Variants in NTRK3 observed in about 807,000 individuals in gnomAD.
NTRK3 encodes neurotrophic receptor tyrosine kinase 3, also known as NT-3 growth factor receptor.
In NTRK3, 24 loss-of-function variants were observed where a neutral mutation model predicts 91.7. That is an observed-to-expected ratio of 0.26 (90% CI 0.19 to 0.37). The LOEUF is 0.37. NTRK3 is among the 10% of genes least tolerant of loss of function. The pLI is 1.00. For missense variants in NTRK3, 880 were observed against 1,068.9 expected (o/e 0.82, Z 2.46); for synonymous variants, 483 against 404.0 (o/e 1.20, Z -2.34).
intron 13 of NTRK3, among the ~76,000 whole-genome samples, chr15:88,086,973 C>T (rs895243719): frequency 5.9e-5 from 9 of 152,254 alleles, no homozygotes; most frequent in Admixed American, 2.6e-4. Context: ...ACATCAGTTA[C>T]TTAACCTCTC....
At chr15:88,004,056 C>T (rs890343412) in intron 14 of NTRK3, among the ~76,000 whole-genome samples, 7 of 152,218 alleles carry the variant, frequency 4.6e-5, no homozygotes, top group African/African-American at 1.2e-4. Context: ...GCTTGGGGTA[C>T]TTCTGTTTGC....
At position 88,067,632 on chromosome 15, in the gene NTRK3, G is replaced by T. The variant is rs1824555; in HGVS notation, c.1397-34587C>A. The stretch of plus-strand genomic sequence containing the variant: ...AGAGGTCAGAGAGGACGTGGGAGGG[G>T]GCTGAAGGCTCTCTAGACCTGCCCT... On this transcript the variant is annotated intron_variant, in intron 13 of 18. Transcript: ENST00000394480. Among the ~76,000 whole-genome samples, 1,262 of 152,282 alleles carry T rather than the reference G, an allele frequency of 8.3e-3. 12 individuals carry two copies. The highest frequency in any genetic ancestry group is 0.029 in the African/African-American group (1,196 of 41,562).
At chr15:88,066,006 T>C (rs2046619174) in intron 13 of NTRK3, among the ~76,000 whole-genome samples, 1 of 152,216 alleles carries the variant, frequency 6.6e-6, no homozygotes, top group Admixed American at 6.5e-5. Context: ...CCTTATGACA[T>C]TTTAGAGAAC....
At chr15:87,872,578 A>T (rs571001498) in exon 19 of NTRK3, 2 of 231,164 alleles carry the variant, frequency 8.7e-6, no homozygotes, top group African/African-American at 4.4e-5. Flanking sequence ...GGGAAGGTTG[A>T]CTAGCTGAGG....
intron 14 of NTRK3, among the ~76,000 whole-genome samples, chr15:88,017,845 G>A (rs2141851153): frequency 6.6e-6 from 1 of 152,278 alleles, no homozygotes; most frequent in Middle Eastern, 3.4e-3. Flanking sequence ...GAATTACACT[G>A]AGCATAATTC....
intron 17 of NTRK3, among the ~76,000 whole-genome samples, chr15:87,889,402 T>C (rs74626617): frequency 3.2e-5 from 4 of 126,334 alleles, no homozygotes; most frequent in South Asian, 2.5e-4. Context: ...GTTCCTTTTT[T>C]TTTTTTTTTT....
intron 5 of NTRK3, among the ~76,000 whole-genome samples, chr15:88,182,281 T>C (rs1000314395): frequency 6.6e-6 from 1 of 151,756 alleles, no homozygotes; most frequent in Non-Finnish European, 1.5e-5. Flanking sequence ...ACAAAGAGCC[T>C]GGGGGTAAGG....
intron 17 of NTRK3, among the ~76,000 whole-genome samples, chr15:87,926,060 G>C (rs2068281567): frequency 6.6e-6 from 1 of 152,214 alleles, no homozygotes; most frequent in South Asian, 2.1e-4. Flanking sequence ...AAATTGAACA[G>C]AGGTTAGAGG....
In NTRK3 at chr15:88,233,392, A is replaced by C. The variant is rs75576618; in HGVS notation, c.248+22514T>G. Reference sequence around the variant, plus strand: ...CATATCCTTCCCTCCCTGTGAAGGCAAGGGAATGGGCTGCTGCCATACAGC... The same window carrying C: ...CATATCCTTCCCTCCCTGTGAAGGCCAGGGAATGGGCTGCTGCCATACAGC... On this transcript the variant is annotated intron_variant, in intron 3 of 18. Coordinates refer to ENST00000394480, the Ensembl canonical transcript of NTRK3. This position sits in a 1 kb window ranked among gnomAD's most constrained non-coding sequence, Gnocchi z 4.2. Among the ~76,000 whole-genome samples the C allele has an allele frequency of 6.8e-3, 1,031 of 152,142 alleles. 11 individuals are homozygous for C. The highest frequency in any genetic ancestry group is 0.024 in the African/African-American group (994 of 41,496).
At chr15:88,084,808 G>A (rs143782432) in intron 13 of NTRK3, among the ~76,000 whole-genome samples, 132 of 152,244 alleles carry the variant, frequency 8.7e-4, no homozygotes, top group African/African-American at 3.1e-3. Context: ...CTCTACAATG[G>A]GTGCACAGCT....
chr15:88,162,965 A>C (rs1252685006), intron 5 of NTRK3, among the ~76,000 whole-genome samples: 2 of 152,162 alleles, frequency 1.3e-5, no homozygotes, highest in Non-Finnish European at 2.9e-5. Context: ...CATTAGCTGC[A>C]AAAGAGTGAG....
chr15:87,997,591 A>G (rs1328833995), intron 14 of NTRK3, among the ~76,000 whole-genome samples: 1 of 152,178 alleles, frequency 6.6e-6, no homozygotes, highest in African/African-American at 2.4e-5. Context: ...TCTTTGGCAG[A>G]TCATATACTC....
chr15:88,102,612 A>G (rs2050288755), intron 13 of NTRK3, among the ~76,000 whole-genome samples: 1 of 152,158 alleles, frequency 6.6e-6, no homozygotes, highest in Non-Finnish European at 1.5e-5. Flanking sequence ...AAAATTTCAC[A>G]TGTACCCCAT....
At chr15:87,932,023 A>G (rs994405598) in intron 16 of NTRK3, among the ~76,000 whole-genome samples, 1 of 152,186 alleles carries the variant, frequency 6.6e-6, no homozygotes, top group East Asian at 1.9e-4. Flanking sequence ...AGACCTTCAC[A>G]TGGCTGTCCC....
chr15:88,168,333 A>C (rs1227615533), intron 5 of NTRK3, among the ~76,000 whole-genome samples: 1 of 151,980 alleles, frequency 6.6e-6, no homozygotes, highest in Non-Finnish European at 1.5e-5. Context: ...GGTCTGCACC[A>C]ATGAGGGAGC....
Position 88,255,349 on chromosome 15 carries a change from C to A in NTRK3, c.248+557G>T, listed in dbSNP as rs998869470. 6.6e-6 allele frequency among the ~76,000 whole-genome samples: 1 copy of A among 152,102 alleles called. No homozygotes were observed. Among genetic ancestry groups the A allele is most frequent in the East Asian group, 1.9e-4 (1 of 5,160 alleles). ...GGCCTCCACACGTCCAAAGTCTCCC[C>A]GCGAGCAGCCAGCTCGCAACTTGTT... is the stretch of plus-strand genomic sequence containing the variant. On this transcript the variant is annotated intron_variant, in intron 3 of 18. Coordinates refer to ENST00000394480, the Ensembl canonical transcript of NTRK3. This position sits in a 1 kb window ranked among gnomAD's most constrained non-coding sequence, Gnocchi z 4.3.
intron 5 of NTRK3, among the ~76,000 whole-genome samples, chr15:88,170,943 G>T (rs565791823): frequency 5.3e-5 from 8 of 152,216 alleles, no homozygotes; most frequent in Admixed American, 5.2e-4. Context: ...TCCACCCCAG[G>T]CCCTCTAGAG....
At chr15:87,919,158 G>A (rs1327899154) in intron 17 of NTRK3, among the ~76,000 whole-genome samples, 1 of 152,170 alleles carries the variant, frequency 6.6e-6, no homozygotes, top group African/African-American at 2.4e-5. Flanking sequence ...CTTTACAAAT[G>A]AGAAACTCAG....
intron 8 of NTRK3, 57 bp downstream of exon 8, chr15:88,136,410 G>T: frequency 6.2e-7 from 1 of 1,611,254 alleles, no homozygotes. Context: ...TCTTCTTCAA[G>T]ACTACAGTGT....
Sources: allele counts gnomAD v4.1 joint callset (sites outside exome capture counted in the v4.1 genomes callset), GRCh38; gene constraint gnomAD v4.1.1; non-coding constraint Gnocchi (gnomAD v3.1); transcripts MANE v1.5; gene names NCBI Gene and HGNC (gene_info 2026-07-23, HGNC 2026-07-21).